The following KIRREL3 variants were observed in gnomAD, a reference collection of about 807,000 sequenced individuals.
KIRREL3 encodes kin of IRRE-like protein 3.
Under a neutral mutation model 89.7 loss-of-function variants are expected in KIRREL3, and 36 were observed. The ratio of observed to expected loss-of-function variants is 0.40; its 90% CI spans 0.31 to 0.53. The LOEUF (loss-of-function observed/expected upper bound fraction) is 0.53. Among genes scored for constraint, KIRREL3 ranks in the 20% least tolerant of loss-of-function variants. KIRREL3 has a pLI of 0.49. For missense variants in KIRREL3, 864 were observed against 1,056.6 expected (o/e 0.82, Z 2.53); for synonymous variants, 445 against 441.4 (o/e 1.01, Z -0.10).
In KIRREL3 at chr11:126,835,521, CT is replaced by C. The variant is rs1413679537; in HGVS notation, c.55+164933del. ...ACAACTAAAATTTATGAAATGCCCA[CT>C]ACGTGTTTGATCCTATATGTGCTGA... On this transcript the variant is annotated intron_variant, in intron 1 of 16. Coordinates refer to ENST00000525144, the MANE Select transcript of KIRREL3 (RefSeq NM_032531.4). Among the ~76,000 whole-genome samples, 3 of 152,326 alleles carry C rather than the reference CT, an allele frequency of 2.0e-5. No individual in the cohort carries two copies. The East Asian group carries it at 5.8e-4, about 29-fold the overall frequency.
intron 1 of KIRREL3, among the ~76,000 whole-genome samples, chr11:126,762,876 C>A (rs562298810): frequency 1.1e-4 from 16 of 152,112 alleles, no homozygotes; most frequent in Non-Finnish European, 1.0e-4. Context: ...TCGAGCAAAA[C>A]TCTATTGAAT....
intron 1 of KIRREL3, among the ~76,000 whole-genome samples, chr11:126,823,895 A>C (rs908838732): frequency 2.0e-5 from 3 of 152,160 alleles, no homozygotes; most frequent in Admixed American, 2.0e-4. Context: ...ACACTCCGGG[A>C]GGCCGGGGCA....
chr11:126,894,573 A>AAAAG lies in KIRREL3; in HGVS notation c.55+105878_55+105881dup, dbSNP rs534000266. Among the ~76,000 whole-genome samples, 1,027 of 136,862 alleles carry AAAAG rather than the reference A, an allele frequency of 7.5e-3. 12 individuals carry two copies. Among genetic ancestry groups the AAAAG allele is most frequent in the African/African-American group, 0.012 (419 of 36,396 alleles). 89.8% of individuals were successfully genotyped at this position (136,862 alleles called of 152,430 possible). On this transcript the variant is annotated intron_variant, in intron 1 of 16. Transcript: ENST00000525144. ...AAAAAAAAAAAAAAAAAAAAAAAGG[A>AAAAG]AAAGAAAGAAAGAAAGAAAGAAAGA...
Position 126,896,143 on chromosome 11 carries a change from G to A in KIRREL3, c.55+104312C>T, listed in dbSNP as rs1946148700. On this transcript the variant is annotated intron_variant, in intron 1 of 16. Transcript: ENST00000525144. This position sits in a 1 kb window ranked among gnomAD's most constrained non-coding sequence, Gnocchi z 4.1. ...CTGAAGAGCACATGTATAGCTTATA[G>A]CAAATAAAAAGCTGGACCTGTTAAA... Among the ~76,000 whole-genome samples, 2 of 152,156 alleles carry A rather than the reference G, an allele frequency of 1.3e-5. No homozygotes were observed. Among genetic ancestry groups the A allele is most frequent in the Admixed American group, 6.5e-5 (1 of 15,272 alleles).
intron 5 of KIRREL3, among the ~76,000 whole-genome samples, chr11:126,472,635 C>T (rs370796050): frequency 4.0e-5 from 6 of 150,930 alleles, no homozygotes; most frequent in African/African-American, 1.5e-4. Flanking sequence ...CACTACTGTC[C>T]CTGAGTCTCC....
chr11:126,531,047 C>T lies in KIRREL3; in HGVS notation c.134-4360G>A, dbSNP rs187043871. Among the ~76,000 whole-genome samples the T allele has an allele frequency of 2.8e-4, 42 of 152,224 alleles. No individual in the cohort carries two copies. The highest frequency in any genetic ancestry group is 9.4e-4 in the African/African-American group (39 of 41,534). ...GTTTCACCATATTGGCCAGGCTGGT[C>T]TCGAACTCCTGACCTCATGATCCAC... is the stretch of plus-strand genomic sequence containing the variant. On this transcript the variant is annotated intron_variant, in intron 2 of 16. Coordinates refer to ENST00000525144, the MANE Select transcript of KIRREL3 (RefSeq NM_032531.4). This position sits in a 1 kb window ranked among gnomAD's most constrained non-coding sequence, Gnocchi z 4.7.
rs1416471582 is a variant in KIRREL3 at position 126,987,497 on chromosome 11, C to A, written c.55+12958G>T. ...TCTGGTTGGTATGTCTTGATTCTGA[C>A]CAGTTCCAGTATTCAGCTGTTTTCA... On this transcript the variant is annotated intron_variant, in intron 1 of 16. Coordinates refer to ENST00000525144, the MANE Select transcript of KIRREL3 (RefSeq NM_032531.4). The surrounding 1 kb of genome is among the most constrained non-coding windows in gnomAD (Gnocchi z 4.6). Among the ~76,000 whole-genome samples, 3 of 152,138 alleles carry A rather than the reference C, an allele frequency of 2.0e-5. No homozygotes were observed. The highest frequency in any genetic ancestry group is 3.8e-4 in the East Asian group (2 of 5,196).
intron 1 of KIRREL3, among the ~76,000 whole-genome samples, chr11:126,840,438 G>A (rs1260684219): frequency 6.6e-6 from 1 of 152,104 alleles, no homozygotes; most frequent in East Asian, 1.9e-4. Context: ...GAGTTGAAAG[G>A]GCAGTTGGGG....
At chr11:126,851,896 A>G (rs1188959932) in intron 1 of KIRREL3, among the ~76,000 whole-genome samples, 1 of 152,210 alleles carries the variant, frequency 6.6e-6, no homozygotes, top group Non-Finnish European at 1.5e-5. Flanking sequence ...GCTGCTGTAA[A>G]GCAGACCGTG....
Position 126,522,588 on chromosome 11 carries a change from G to A in KIRREL3, c.284-1124C>T, listed in dbSNP as rs1958631731. Among the ~76,000 whole-genome samples, 3 of 152,260 alleles carry A rather than the reference G, an allele frequency of 2.0e-5. No homozygotes were observed. In the South Asian group the frequency reaches 6.2e-4, roughly 32 times the overall value. ...GTTTGAGAATATAAATCATTAATCA[G>A]CGTTCCTGCTGCTGTGTAGGGTTGA... On this transcript the variant is annotated intron_variant, in intron 3 of 16. Transcript: ENST00000525144. This position sits in a 1 kb window ranked among gnomAD's most constrained non-coding sequence, Gnocchi z 6.0.
chr11:126,484,004 T>C lies in KIRREL3; in HGVS notation c.434-10538A>G, dbSNP rs1443319192. Among the ~76,000 whole-genome samples, 1 of 152,240 alleles carries C rather than the reference T, an allele frequency of 6.6e-6. No individual in the cohort carries two copies. Among genetic ancestry groups the C allele is most frequent in the Admixed American group, 6.5e-5 (1 of 15,286 alleles). ...TGCCCGCCTCAGCAGGTACATGTGGTGCCTGGCGCCATTACCACCTGTTGT... is the reference window on the plus strand; with the variant it reads ...TGCCCGCCTCAGCAGGTACATGTGGCGCCTGGCGCCATTACCACCTGTTGT... On this transcript the variant is annotated intron_variant, in intron 4 of 16. Transcript: ENST00000525144. This position sits in a 1 kb window ranked among gnomAD's most constrained non-coding sequence, Gnocchi z 5.2.
rs1324049207 is a variant in KIRREL3, at chr11:126,513,154, C to T, written c.433+8161G>A. Reference sequence around the variant, plus strand: ...GGGTGCAGCCACTGGGGCCAGGCAACAGCAGGAGGCTGAACCCCTACCATA... The same window carrying T: ...GGGTGCAGCCACTGGGGCCAGGCAATAGCAGGAGGCTGAACCCCTACCATA... On this transcript the variant is annotated intron_variant, in intron 4 of 16. Transcript: ENST00000525144. The surrounding 1 kb of genome is among the most constrained non-coding windows in gnomAD (Gnocchi z 5.9). 2.6e-5 allele frequency among the ~76,000 whole-genome samples: 4 copies of T among 152,188 alleles called. No individual in the cohort carries two copies. The highest frequency in any genetic ancestry group is 4.4e-5 in the Non-Finnish European group (3 of 68,026).
Position 126,639,805 on chromosome 11 carries a change from C to G in KIRREL3, c.56-76893G>C, listed in dbSNP as rs139915038. On this transcript the variant is annotated intron_variant, in intron 1 of 16. Transcript: ENST00000525144. This position sits in a 1 kb window ranked among gnomAD's most constrained non-coding sequence, Gnocchi z 4.3. Reference sequence around the variant, plus strand: ...CTTGTGAAATAGACACAAGAAGGAGCTAAACTCATTTCAGGTTTGACCTCT... The same window carrying G: ...CTTGTGAAATAGACACAAGAAGGAGGTAAACTCATTTCAGGTTTGACCTCT... Among the ~76,000 whole-genome samples the G allele has an allele frequency of 2.6e-5, 4 of 152,132 alleles. No homozygotes were observed. The highest frequency in any genetic ancestry group is 9.7e-5 in the African/African-American group (4 of 41,426).
chr11:126,512,285 G>T (rs1958249695), intron 4 of KIRREL3, among the ~76,000 whole-genome samples: 1 of 152,224 alleles, frequency 6.6e-6, no homozygotes, highest in Non-Finnish European at 1.5e-5. Flanking sequence ...TGATGATTTG[G>T]CTCTGAGGTG....
chr11:126,893,981 A>G (rs1946033036), intron 1 of KIRREL3, among the ~76,000 whole-genome samples: 1 of 152,180 alleles, frequency 6.6e-6, no homozygotes, highest in Non-Finnish European at 1.5e-5. Flanking sequence ...GTGGCTGTAG[A>G]TAATGAGATG....
intron 1 of KIRREL3, among the ~76,000 whole-genome samples, chr11:126,589,105 G>C (rs1285743673): frequency 1.3e-5 from 2 of 152,192 alleles, no homozygotes; most frequent in East Asian, 1.9e-4. Flanking sequence ...CTTCCAATCA[G>C]AGCAATTACT....
At chr11:126,500,537 C>T (rs35084312) in intron 4 of KIRREL3, among the ~76,000 whole-genome samples, 36,549 of 151,986 alleles carry the variant, frequency 0.24, 4,578 homozygotes, top group Admixed American at 0.27. Flanking sequence ...ATCAGGAATT[C>T]GAGACCAGCC....
At chr11:126,982,100 G>C (rs1224899667) in intron 1 of KIRREL3, among the ~76,000 whole-genome samples, 1 of 152,146 alleles carries the variant, frequency 6.6e-6, no homozygotes, top group African/African-American at 2.4e-5. Flanking sequence ...CAGCCTCAAT[G>C]CTCCCACCTG....
At chr11:126,670,133 T>G in intron 1 of KIRREL3, among the ~76,000 whole-genome samples, 1 of 152,324 alleles carries the variant, frequency 6.6e-6, no homozygotes, top group Non-Finnish European at 1.5e-5. Context: ...AACTCTTGCC[T>G]GAGCTTCTGT....
Sources: gnomAD v4.1 joint callset for allele counts (sites outside exome capture counted in the v4.1 genomes callset) on GRCh38, gnomAD v4.1.1 for gene constraint, Gnocchi (gnomAD v3.1) non-coding constraint, MANE v1.5 for transcripts, NCBI Gene and HGNC (gene_info 2026-07-23, HGNC 2026-07-21) for gene names.